Variants in RPS6KA5 observed in about 807,000 individuals in gnomAD.
The protein encoded by RPS6KA5 is ribosomal protein S6 kinase alpha-5.
RPS6KA5 carries 27 observed loss-of-function variants against 85.5 expected under a neutral mutation model. That is an observed-to-expected ratio of 0.32 (90% CI 0.23 to 0.44). The LOEUF (loss-of-function observed/expected upper bound fraction) is 0.44, where lower values mean the gene tolerates loss of function less well. Ranked by LOEUF, RPS6KA5 falls within the 20% of genes least tolerant of loss-of-function variation. The pLI is 1.00. For synonymous variants in RPS6KA5, 334 were observed against 348.2 expected (o/e 0.96, Z 0.46); for missense variants, 811 against 980.9 (o/e 0.83, Z 2.31).
At chr14:91,046,904 G>A (rs189274967) in intron 1 of RPS6KA5, among the ~76,000 whole-genome samples, 2 of 151,818 alleles carry the variant, frequency 1.3e-5, no homozygotes, top group African/African-American at 4.8e-5. Context: ...GGCCCGGCAT[G>A]GTGGCTTACG....
At chr14:90,941,644 A>G (rs190509532) in intron 5 of RPS6KA5, among the ~76,000 whole-genome samples, 114 of 152,276 alleles carry the variant, frequency 7.5e-4, no homozygotes, top group African/African-American at 1.8e-3. Flanking sequence ...CTTTCAATCA[A>G]TCCTCCTGGG....
In RPS6KA5 at chr14:90,947,238, CTA is replaced by C. The variant is rs138946016; in HGVS notation, c.510+195_510+196del. ...AACCTGCTTAGGTTCTTTTTAATCT[CTA>C]TCATAGCAAGTACAATTGGAAAGTA... is the stretch of plus-strand genomic sequence containing the variant. On this transcript the variant is annotated intron_variant, in intron 4 of 16. Transcript: ENST00000614987. 6.4e-4 allele frequency among the ~76,000 whole-genome samples: 97 copies of C among 152,286 alleles called. 1 individual carries two copies. The East Asian group carries it at 0.015, about 24-fold the overall frequency.
At position 91,001,296 on chromosome 14, in the gene RPS6KA5, A is replaced by G. The variant is rs868329758; in HGVS notation, c.104-137T>C. Reference sequence around the variant, plus strand: ...AGGGTTTGCTTTATAATTATTTGTTAAACAGTATAGCATATTTTGCATAAA... The same window carrying G: ...AGGGTTTGCTTTATAATTATTTGTTGAACAGTATAGCATATTTTGCATAAA... On this transcript the variant is annotated intron_variant, in intron 1 of 16. Coordinates refer to ENST00000614987, the MANE Select transcript of RPS6KA5 (RefSeq NM_004755.4). The G allele has an allele frequency of 4.5e-4, 274 of 604,720 alleles. 3 individuals carry two copies. Among genetic ancestry groups the G allele is most frequent in the South Asian group, 2.4e-5 (1 of 42,070 alleles). The allele number at this position is 604,720 out of a possible 1,614,324, so 37.5% of individuals were successfully genotyped here. A position where few individuals can be genotyped will look rare whatever the true frequency, so the allele number is the denominator to read the frequency against.
intron 5 of RPS6KA5, among the ~76,000 whole-genome samples, chr14:90,934,839 G>A (rs78222368): frequency 1.1e-3 from 170 of 152,226 alleles, no homozygotes; most frequent in African/African-American, 4.0e-3. Flanking sequence ...ACTAATGAAC[G>A]GCTCAAGCTA....
intron 1 of RPS6KA5, among the ~76,000 whole-genome samples, chr14:91,026,159 C>T (rs2041983524): frequency 6.6e-6 from 1 of 152,210 alleles, no homozygotes; most frequent in African/African-American, 2.4e-5. Context: ...ATCCATGTTG[C>T]TGCAAAGGAC....
chr14:90,888,727 G>A (rs1306000129), intron 14 of RPS6KA5, among the ~76,000 whole-genome samples: 1 of 152,096 alleles, frequency 6.6e-6, no homozygotes, highest in Non-Finnish European at 1.5e-5. Flanking sequence ...GTGGGCATAG[G>A]AGTGGAGTGA....
chr14:90,913,479 C>G (rs1469055004), intron 7 of RPS6KA5, among the ~76,000 whole-genome samples: 1 of 151,414 alleles, frequency 6.6e-6, no homozygotes. Flanking sequence ...CTCTCAATGG[C>G]TAAGGCTTCC....
chr14:90,912,941 C>T lies in RPS6KA5; in HGVS notation c.807-6642G>A, dbSNP rs536553962. On this transcript the variant is annotated intron_variant, in intron 7 of 16. Transcript: ENST00000614987. ...TTTTTTTTTTTTTTGGGTGGAGTCT[C>T]CCTCTGTTGCCCAGGCTGGAGTACA... Among the ~76,000 whole-genome samples, 6 of 117,404 alleles carry T rather than the reference C, an allele frequency of 5.1e-5. No individual in the cohort carries two copies. The South Asian group carries it at 1.1e-3, about 22-fold the overall frequency. 77.0% of individuals were successfully genotyped at this position (117,404 alleles called of 152,430 possible). A position where few individuals can be genotyped will look rare whatever the true frequency, so the allele number is the denominator to read the frequency against.
At chr14:90,931,570 A>C (rs1314977630) in intron 5 of RPS6KA5, among the ~76,000 whole-genome samples, 1 of 152,206 alleles carries the variant, frequency 6.6e-6, no homozygotes, top group East Asian at 1.9e-4. Context: ...TAAGCCGTAA[A>C]AGAAAAGATT....
intron 3 of RPS6KA5, among the ~76,000 whole-genome samples, chr14:90,957,929 G>T (rs1355151445): frequency 6.6e-6 from 1 of 151,674 alleles, no homozygotes. Context: ...ATAGCTTGAG[G>T]CCAGGAGTTT....
At position 90,989,301 on chromosome 14, in the gene RPS6KA5, A is replaced by G. The variant is rs1311827070; in HGVS notation, c.176-10777T>C. On this transcript the variant is annotated intron_variant, in intron 2 of 16. Coordinates refer to ENST00000614987, the MANE Select transcript of RPS6KA5 (RefSeq NM_004755.4). Reference sequence around the variant, plus strand: ...ACTCAAGTAAACAACAAGAGTGTCAAGATGCAAACTTGAGTCTTCTACGTC... The same window carrying G: ...ACTCAAGTAAACAACAAGAGTGTCAGGATGCAAACTTGAGTCTTCTACGTC... Among the ~76,000 whole-genome samples, 5 of 152,368 alleles carry G rather than the reference A, an allele frequency of 3.3e-5. No individual in the cohort carries two copies. The East Asian group carries it at 9.6e-4, about 29-fold the overall frequency.
At chr14:90,945,237 G>T (rs116945659) in intron 4 of RPS6KA5, among the ~76,000 whole-genome samples, 1 of 152,178 alleles carries the variant, frequency 6.6e-6, no homozygotes. Flanking sequence ...GGGCAACAGA[G>T]TAAGACCCTG....
At position 90,863,587 on chromosome 14, in the gene RPS6KA5, A is replaced by C. The variant is rs1366559849; in HGVS notation, c.*8487T>G. 2.6e-5 allele frequency: 4 copies of C among 151,996 alleles called. No homozygotes were observed. Among genetic ancestry groups the C allele is most frequent in the Non-Finnish European group, 4.4e-5 (3 of 67,988 alleles). 9.4% of individuals were successfully genotyped at this position (151,996 alleles called of 1,614,324 possible). On this transcript the variant is annotated 3_prime_UTR_variant, in exon 17 of 17. Coordinates refer to ENST00000614987, the MANE Select transcript of RPS6KA5 (RefSeq NM_004755.4). ...TTAGAATTAAAAAGTGAATTTAACA[A>C]GGTTTCTAAGTGAAAGGGTAATATA...
chr14:91,040,935 C>T (rs1221667592), intron 1 of RPS6KA5, among the ~76,000 whole-genome samples: 5 of 152,184 alleles, frequency 3.3e-5, no homozygotes, highest in East Asian at 1.9e-4. Flanking sequence ...GAGATGGAAG[C>T]TTGATCTTCC....
rs1041365527 is a variant in RPS6KA5, at chr14:90,870,276, T to C, written c.*1798A>G. 3.9e-5 allele frequency: 6 copies of C among 152,176 alleles called. No individual in the cohort carries two copies. Among genetic ancestry groups the C allele is most frequent in the African/African-American group, 1.4e-4 (6 of 41,450 alleles). 9.4% of individuals were successfully genotyped at this position (152,176 alleles called of 1,614,324 possible). A position where few individuals can be genotyped will look rare whatever the true frequency, so the allele number is the denominator to read the frequency against. ...CTGTGCCTGATGGAATCACATTTTGTGAATTAGCAATAGTTTGGTAATAAT... is the reference window on the plus strand; with the variant it reads ...CTGTGCCTGATGGAATCACATTTTGCGAATTAGCAATAGTTTGGTAATAAT... On this transcript the variant is annotated 3_prime_UTR_variant, in exon 17 of 17. Coordinates refer to ENST00000614987, the MANE Select transcript of RPS6KA5 (RefSeq NM_004755.4).
At chr14:90,959,114 G>A (rs1459884085) in intron 3 of RPS6KA5, among the ~76,000 whole-genome samples, 1 of 152,122 alleles carries the variant, frequency 6.6e-6, no homozygotes, top group African/African-American at 2.4e-5. Flanking sequence ...GGGAGAAGCA[G>A]TAGGAGAGTC....
chr14:90,971,367 C>T (rs951051139), intron 3 of RPS6KA5, among the ~76,000 whole-genome samples: 3 of 152,154 alleles, frequency 2.0e-5, no homozygotes, highest in African/African-American at 7.2e-5. Flanking sequence ...TCACTACTGC[C>T]TATGGTCAAA....
intron 3 of RPS6KA5, among the ~76,000 whole-genome samples, chr14:90,965,260 CT>C (rs1323437715): frequency 6.6e-6 from 1 of 152,052 alleles, no homozygotes; most frequent in East Asian, 1.9e-4. Context: ...TGATGGGCAC[CT>C]GTAATCCCAG....
Position 90,863,320 on chromosome 14 carries a change from A to G in RPS6KA5, c.*8754T>C, listed in dbSNP as rs1329588343. 3 of 147,348 alleles carry G rather than the reference A, an allele frequency of 2.0e-5. No homozygotes were observed. Among genetic ancestry groups the G allele is most frequent in the Non-Finnish European group, 3.0e-5 (2 of 66,798 alleles). 9.1% of individuals were successfully genotyped at this position (147,348 alleles called of 1,614,324 possible). On this transcript the variant is annotated 3_prime_UTR_variant, in exon 17 of 17. Transcript: ENST00000614987. Reference sequence around the variant, plus strand: ...TCCGTCTCAAAAAAAAAAAAAAAAAAAAAAAAAAAAGAAAAGAAAAGAAAA... The same window carrying G: ...TCCGTCTCAAAAAAAAAAAAAAAAAGAAAAAAAAAAGAAAAGAAAAGAAAA...
Sources: gnomAD v4.1 joint callset for allele counts (sites outside exome capture counted in the v4.1 genomes callset) on GRCh38, gnomAD v4.1.1 for gene constraint, MANE v1.5 for transcripts, NCBI Gene and HGNC (gene_info 2026-07-23, HGNC 2026-07-21) for gene names.